ACTR3B: variants seen among roughly 807,000 people sequenced by gnomAD.
ACTR3B encodes actin related protein 3B.
A neutral mutation model predicts 59.0 loss-of-function variants in ACTR3B; 8 were observed. The ratio of observed to expected loss-of-function variants is 0.14; its 90% CI spans 0.08 to 0.24. ACTR3B has a LOEUF of 0.24. Among genes scored for constraint, ACTR3B ranks in the 10% least tolerant of loss-of-function variants. ACTR3B has a pLI of 1.00. For missense variants in ACTR3B, 245 were observed against 552.3 expected (o/e 0.44, Z 5.58); for synonymous variants, 148 against 197.9 (o/e 0.75, Z 2.12).
chr7:152,849,312 G>A (rs757663109), intron 9 of ACTR3B, among the ~76,000 whole-genome samples: 1 of 152,162 alleles, frequency 6.6e-6, no homozygotes, highest in African/African-American at 2.4e-5. Flanking sequence ...GTGTGGGGCC[G>A]ACACCAAGGA....
intron 2 of ACTR3B, among the ~76,000 whole-genome samples, chr7:152,784,044 C>T (rs1052129357): frequency 7.3e-5 from 11 of 151,244 alleles, no homozygotes; most frequent in Non-Finnish European, 1.6e-4. Context: ...GAGCCGGGAT[C>T]GTGCCACTGC....
chr7:152,830,553 ATACT>A (rs1244481720), intron 9 of ACTR3B, among the ~76,000 whole-genome samples: 2 of 152,110 alleles, frequency 1.3e-5, no homozygotes, highest in East Asian at 1.9e-4. Flanking sequence ...AAATAAATAA[ATACT>A]TACTATTGAG....
intron 6 of ACTR3B, among the ~76,000 whole-genome samples, chr7:152,818,144 T>C (rs371819462): frequency 9.3e-4 from 141 of 152,288 alleles, no homozygotes; most frequent in African/African-American, 7.7e-4. Context: ...CAGAGAGCTG[T>C]GCTGCTGAGA....
At chr7:152,838,917 G>A (rs988277827) in intron 9 of ACTR3B, among the ~76,000 whole-genome samples, 7 of 152,280 alleles carry the variant, frequency 4.6e-5, no homozygotes, top group Non-Finnish European at 8.8e-5. Context: ...CATTATAAGA[G>A]GGTTGTTGTT....
In ACTR3B at chr7:152,848,505, G is replaced by C. The variant is rs957564342; in HGVS notation, c.952-3621G>C. ...CAAACCCCAAAACCTCAGCAAAAGC[G>C]CCCTTAGAAATGTCTAATTCCAAGC... On this transcript the variant is annotated intron_variant, in intron 9 of 11. Coordinates refer to ENST00000256001, the MANE Select transcript of ACTR3B (RefSeq NM_020445.6). Among the ~76,000 whole-genome samples, 5 of 152,176 alleles carry C rather than the reference G, an allele frequency of 3.3e-5. No individual in the cohort carries two copies. The East Asian group carries it at 7.7e-4, about 23-fold the overall frequency.
In ACTR3B at chr7:152,813,363, T is replaced by C. The variant is rs1233433081; in HGVS notation, c.337-1187T>C. On this transcript the variant is annotated intron_variant, in intron 4 of 11. Coordinates refer to ENST00000256001, the MANE Select transcript of ACTR3B (RefSeq NM_020445.6). The stretch of plus-strand genomic sequence containing the variant: ...AAGGAAAAATGTTCATAGTATATTG[T>C]TGAATGAGAAAAATCAAGTTTATTT... 4 of 151,840 alleles carry C rather than the reference T, an allele frequency of 2.6e-5. No homozygotes were observed. The East Asian group carries it at 7.8e-4, about 29-fold the overall frequency. The allele number at this position is 151,840 out of a possible 1,614,324, so 9.4% of individuals were successfully genotyped here.
intron 2 of ACTR3B, among the ~76,000 whole-genome samples, chr7:152,794,155 G>A (rs2098207204): frequency 6.6e-6 from 1 of 152,106 alleles, no homozygotes; most frequent in Non-Finnish European, 1.5e-5. Context: ...CTCTATAGTT[G>A]TTAAAAGAAG....
intron 1 of ACTR3B, among the ~76,000 whole-genome samples, chr7:152,764,384 C>G (rs909679454): frequency 3.3e-5 from 5 of 152,136 alleles, no homozygotes; most frequent in African/African-American, 9.6e-5. Flanking sequence ...AGTCCCAGCA[C>G]TTTGGGAGGC....
chr7:152,819,638 C>CACAG (rs1377745141), intron 6 of ACTR3B, among the ~76,000 whole-genome samples: 2 of 152,172 alleles, frequency 1.3e-5, no homozygotes, highest in Non-Finnish European at 2.9e-5. Context: ...CCTGGCCCCT[C>CACAG]ACAGACATGC....
intron 9 of ACTR3B, among the ~76,000 whole-genome samples, chr7:152,826,762 A>AT: frequency 6.7e-6 from 1 of 149,644 alleles, no homozygotes; most frequent in Non-Finnish European, 1.5e-5. Flanking sequence ...TGGACTTTAT[A>AT]GAAGTTTTGG....
intron 2 of ACTR3B, among the ~76,000 whole-genome samples, chr7:152,784,281 G>A (rs543410534): frequency 6.6e-6 from 1 of 152,304 alleles, no homozygotes; most frequent in African/African-American, 2.4e-5. Context: ...TGTAATAACA[G>A]GCTTTGTGAA....
At chr7:152,834,010 C>T (rs1474193153) in intron 9 of ACTR3B, among the ~76,000 whole-genome samples, 3 of 151,786 alleles carry the variant, frequency 2.0e-5, no homozygotes, top group Admixed American at 1.3e-4. Context: ...AGAGGTTCAC[C>T]GAAGAGAACT....
Position 152,788,657 on chromosome 7 carries a change from CACCTCAGCTTCCCAGCGTGCTGGG to C in ACTR3B, c.100+5417_100+5440del, listed in dbSNP as rs1476149761. On this transcript the variant is annotated intron_variant, in intron 2 of 11. Coordinates refer to ENST00000256001, the MANE Select transcript of ACTR3B (RefSeq NM_020445.6). Reference sequence around the variant, plus strand: ...TGAACTCCTGACCTTGTGATTCACCCACCTCAGCTTCCCAGCGTGCTGGGATTACAGGAGTGAGCCACTGCGCCT... The same window carrying C: ...TGAACTCCTGACCTTGTGATTCACCCATTACAGGAGTGAGCCACTGCGCCT... Among the ~76,000 whole-genome samples, 3 of 152,006 alleles carry C rather than the reference CACCTCAGCTTCCCAGCGTGCTGGG, an allele frequency of 2.0e-5. No homozygotes were observed. In the East Asian group the frequency reaches 5.9e-4, roughly 30 times the overall value.
At chr7:152,831,549 C>A (rs538910213) in intron 9 of ACTR3B, among the ~76,000 whole-genome samples, 11 of 152,226 alleles carry the variant, frequency 7.2e-5, no homozygotes, top group Non-Finnish European at 1.5e-4. Flanking sequence ...TAAACTTTAA[C>A]TATTGTGAGT....
At chr7:152,797,598 G>A (rs4071591) in intron 2 of ACTR3B, among the ~76,000 whole-genome samples, 1 of 151,610 alleles carries the variant, frequency 6.6e-6, no homozygotes, top group Non-Finnish European at 1.5e-5. Flanking sequence ...CTGTTGTCAC[G>A]TCGTTGTATG....
At chr7:152,812,611 G>A (rs1455472785) in intron 4 of ACTR3B, 1 of 136,680 alleles carries the variant, frequency 7.3e-6, no homozygotes, top group African/African-American at 2.5e-5. Flanking sequence ...ATAATGTGTG[G>A]TTATCAGATC....
chr7:152,792,801 T>TCCCAA (rs1419345412), intron 2 of ACTR3B, among the ~76,000 whole-genome samples: 18 of 152,012 alleles, frequency 1.2e-4, no homozygotes, highest in African/African-American at 4.1e-4. Flanking sequence ...AATAATGGAC[T>TCCCAA]GCCTGAACAT....
intron 9 of ACTR3B, among the ~76,000 whole-genome samples, chr7:152,834,660 ACT>A: frequency 6.6e-6 from 1 of 151,982 alleles, no homozygotes; most frequent in East Asian, 1.9e-4. Flanking sequence ...TTCGATACCA[ACT>A]CTTTTTTCTG....
At chr7:152,815,263 A>C (rs549545305) in intron 5 of ACTR3B, among the ~76,000 whole-genome samples, 5 of 152,330 alleles carry the variant, frequency 3.3e-5, no homozygotes, top group African/African-American at 1.2e-4. Flanking sequence ...TAGAAAGATG[A>C]ATTTGGGCGA....
Sources: allele counts gnomAD v4.1 joint callset (sites outside exome capture counted in the v4.1 genomes callset), GRCh38; gene constraint gnomAD v4.1.1; transcripts MANE v1.5; gene names NCBI Gene and HGNC (gene_info 2026-07-23, HGNC 2026-07-21).